Variants in URB2 observed in about 807,000 individuals in gnomAD.
URB2 encodes the protein unhealthy ribosome biogenesis protein 2 homolog.
URB2 carries 86 observed loss-of-function variants against 120.9 expected under a neutral mutation model. The ratio of observed to expected loss-of-function variants is 0.71; its 90% confidence interval spans 0.60 to 0.85. The LOEUF (loss-of-function observed/expected upper bound fraction) is 0.85. Ranked by LOEUF, URB2 falls within the 40% of genes least tolerant of loss-of-function variation. The pLI, the probability that URB2 is intolerant of heterozygous loss-of-function variation, is 0.00. For synonymous variants in URB2, 755 were observed against 758.4 expected, an observed-to-expected ratio of 1.00 and a Z score of 0.07; for missense variants, 1,765 against 1,836.5, an observed-to-expected ratio of 0.96 and a Z score of 0.71.
At chr1:229,655,393 C>G (rs1169981877) in intron 9 of URB2, among the ~76,000 whole-genome samples, 1 of 152,120 alleles carries the variant, frequency 6.6e-6, no homozygotes, top group African/African-American at 2.4e-5. Flanking sequence ...ACCACCACGC[C>G]CAGTTAATTT....
chr1:229,634,269 G>A (rs905343591), intron 3 of URB2, among the ~76,000 whole-genome samples: 2 of 151,462 alleles, frequency 1.3e-5, no homozygotes, highest in Middle Eastern at 3.2e-3. Context: ...GCAGTGGCTC[G>A]ATCCCAGCTC....
intron 5 of URB2, among the ~76,000 whole-genome samples, chr1:229,645,493 C>T (rs901444283): frequency 2.0e-5 from 3 of 152,248 alleles, no homozygotes; most frequent in African/African-American, 7.2e-5. Context: ...AAGTAACAGC[C>T]AGTGTCCTCT....
At chr1:229,644,869 C>G (rs1381838364) in intron 5 of URB2, among the ~76,000 whole-genome samples, 2 of 152,180 alleles carry the variant, frequency 1.3e-5, no homozygotes, top group Non-Finnish European at 2.9e-5. Flanking sequence ...AAAGGTAGGG[C>G]TCTGCCCACA....
chr1:229,626,522 G>A (rs780451118), intron 1 of URB2, among the ~76,000 whole-genome samples, 166 bp downstream of exon 1: 7 of 152,270 alleles, frequency 4.6e-5, no homozygotes, highest in Non-Finnish European at 1.0e-4. Flanking sequence ...CTGGGCTGGA[G>A]CGGCTTCGGC....
intron 9 of URB2, 23 bp from the exon 10 acceptor site, chr1:229,659,077 C>T (rs202048318): frequency 2.5e-6 from 4 of 1,603,210 alleles, no homozygotes; most frequent in Non-Finnish European, 3.4e-6. Context: ...ATTGTTCTCA[C>T]AGAGGTTTGC....
intron 4 of URB2, among the ~76,000 whole-genome samples, chr1:229,642,475 C>T (rs1666033480): frequency 6.6e-6 from 1 of 152,108 alleles, no homozygotes; most frequent in Non-Finnish European, 1.5e-5. Context: ...GACAGGAAAG[C>T]AGGAAGGTAT....
chr1:229,632,175 T>G (rs1665683711), intron 2 of URB2, 94 bp from the exon 3 acceptor site: 1 of 1,191,700 alleles, frequency 8.4e-7, no homozygotes. Flanking sequence ...CCGTGGCAAT[T>G]GGATTTGCTT....
chr1:229,644,605 G>A (rs1666092993), intron 5 of URB2, among the ~76,000 whole-genome samples: 1 of 152,178 alleles, frequency 6.6e-6, no homozygotes, highest in Admixed American at 6.5e-5. Flanking sequence ...GGTGCCAGGG[G>A]GGCAGGCCCT....
In URB2 at chr1:229,655,209, G is replaced by A. The variant is rs144324953; in HGVS notation, c.4377+821G>A. Among the ~76,000 whole-genome samples, 17 of 152,280 alleles carry A rather than the reference G, an allele frequency of 1.1e-4. No individual in the cohort carries two copies. The East Asian group carries it at 2.3e-3, about 21-fold the overall frequency. ...AATTAATCTGACTTTTTGATTCAGT[G>A]TTCTGGATAATTCACTATTCAACAG... On this transcript the variant is annotated intron_variant, in intron 9 of 9. Transcript: ENST00000258243.
chr1:229,652,239 T>A (rs1666297018), intron 8 of URB2, among the ~76,000 whole-genome samples: 1 of 151,944 alleles, frequency 6.6e-6, no homozygotes, highest in Non-Finnish European at 1.5e-5. Flanking sequence ...TATTTTGCAG[T>A]ATTTTGAAAT....
Position 229,638,119 on chromosome 1 carries a change from C to T in URB2, c.3506C>T (p.Ala1169Val), listed in dbSNP as rs752140875. ...ATACTGTTGGAGTTGCCAGCTCTCG[C>T]GGGACATGATCAGTCTTTTCAGGCA... ...SQILLELPALAGHDQSFQAAL... is the reference protein window; with the variant it reads ...SQILLELPALVGHDQSFQAAL... The change falls in exon 4 of 10, where the codon GCG becomes GTG. Residue 1169 changes from alanine (A) to valine (V), a missense_variant. By Grantham distance (64) the Ala-to-Val change is moderately conservative (BLOSUM62 0). Coordinates refer to ENST00000258243, the MANE Select transcript of URB2 (RefSeq NM_014777.4). 107 of 1,614,076 alleles carry T rather than the reference C, an allele frequency of 6.6e-5. No homozygotes were observed. The East Asian group carries it at 2.0e-3, about 30-fold the overall frequency.
rs1310153065 is a variant in URB2 at position 229,635,093 on chromosome 1, G to T, written c.480G>T (p.Gln160His). ...AGCTTTGCTGGTCGGCCTGCAGGCA[G>T]CCCGAAGGAGCTGTGGTAGCCCAGT... ...LSQLCWSACR[Q>H]PEGAVVAQLF... is the part of the protein sequence containing the mutation. The change falls in exon 4 of 10, where the codon CAG becomes CAT. Residue 160 changes from glutamine (Q) to histidine (H), a missense_variant. Coordinates refer to ENST00000258243, the MANE Select transcript of URB2 (RefSeq NM_014777.4). 6.2e-7 allele frequency: 1 copy of T among 1,614,094 alleles called. No homozygotes were observed. The highest frequency in any genetic ancestry group is 8.5e-7 in the Non-Finnish European group (1 of 1,179,960).
intron 5 of URB2, 95 bp from the exon 6 acceptor site, chr1:229,645,764 C>T (rs1558169211): frequency 1.5e-5 from 16 of 1,090,594 alleles, no homozygotes; most frequent in East Asian, 7.1e-5. Context: ...TCCACTCCAA[C>T]GCCACAGCCC....
rs776315929 is a variant in URB2 at position 229,635,938 on chromosome 1, A to C, written c.1325A>C (p.Glu442Ala). ...ASAWIDAEVT[E>A]FRTKKAQEAL... Reference sequence around the variant, plus strand: ...GCGTGGATCGATGCCGAGGTAACAGAGTTTCGAACCAAAAAAGCCCAGGAG... The same window carrying C: ...GCGTGGATCGATGCCGAGGTAACAGCGTTTCGAACCAAAAAAGCCCAGGAG... The change falls in exon 4 of 10, where the codon GAG becomes GCG. Residue 442 changes from glutamate to alanine, a missense_variant. Physicochemically the swap from Glu to Ala is moderately radical, Grantham distance 107 (BLOSUM62 -1). Transcript: ENST00000258243. 7 of 1,614,198 alleles carry C rather than the reference A, an allele frequency of 4.3e-6. No homozygotes were observed. The South Asian group carries it at 7.7e-5, about 18-fold the overall frequency.
At chr1:229,627,896 A>G (rs1319908608) in intron 2 of URB2, 137 bp downstream of exon 2, 2 of 1,114,616 alleles carry the variant, frequency 1.8e-6, no homozygotes, top group Admixed American at 3.2e-5. Flanking sequence ...AGTTAAATGT[A>G]ATGTCAATGA....
rs760619106 is a variant in URB2, at chr1:229,636,811, TCA to T, written c.2201_2202del (p.Thr734IlefsTer24). The T allele has an allele frequency of 1.2e-6, 2 of 1,612,332 alleles. No individual in the cohort carries two copies. Among genetic ancestry groups the T allele is most frequent in the Non-Finnish European group, 1.7e-6 (2 of 1,178,590 alleles). On this transcript the variant is annotated frameshift_variant, in exon 4 of 10. Coordinates refer to ENST00000258243, the MANE Select transcript of URB2 (RefSeq NM_014777.4). LOFTEE classifies it high-confidence loss of function. Reference sequence around the variant, plus strand: ...GGCCAAGTTGGGATGGTGAGTGGACTCACATACCCTGTAGCACACTGGCACTT... The same window carrying T: ...GGCCAAGTTGGGATGGTGAGTGGACTCATACCCTGTAGCACACTGGCACTT...
intron 3 of URB2, among the ~76,000 whole-genome samples, chr1:229,633,858 TAG>T (rs550635354): frequency 7.2e-4 from 109 of 152,304 alleles, no homozygotes; most frequent in African/African-American, 2.5e-3. Flanking sequence ...TTTTTTGAGA[TAG>T]AGTCTCTGTC....
In URB2 at chr1:229,637,555, CTAG is replaced by C. The variant is rs766777814; in HGVS notation, c.2949_2951del (p.Ser983del). ...GTTGTACTGACCTCATTGTTCAGAG[CTAG>C]TAGTAGGTTCCTTATTGAGATGGAT... On this transcript the variant is annotated inframe_deletion, in exon 4 of 10. Coordinates refer to ENST00000258243, the MANE Select transcript of URB2 (RefSeq NM_014777.4). The C allele has an allele frequency of 1.6e-4, 265 of 1,614,078 alleles. No individual in the cohort carries two copies. The highest frequency in any genetic ancestry group is 4.0e-5 in the Non-Finnish European group (47 of 1,180,050).
chr1:229,639,735 A>C (rs1395547053), intron 4 of URB2, among the ~76,000 whole-genome samples: 1 of 152,162 alleles, frequency 6.6e-6, no homozygotes, highest in African/African-American at 2.4e-5. Flanking sequence ...GGGTGCTGCC[A>C]GGTGCAAGTG....
Sources: allele counts gnomAD v4.1 joint callset (sites outside exome capture counted in the v4.1 genomes callset), GRCh38; gene constraint gnomAD v4.1.1; transcripts MANE v1.5; gene names NCBI Gene and HGNC (gene_info 2026-07-23, HGNC 2026-07-21).